Variants in TMEM212 observed in about 807,000 individuals in gnomAD.
TMEM212 encodes the protein transmembrane protein 212.
TMEM212 carries 23 observed loss-of-function variants against 20.5 expected under a neutral mutation model. The ratio of observed to expected loss-of-function variants is 1.12; its 90% confidence interval spans 0.81 to 1.59. The LOEUF is 1.59. Among genes scored for constraint, TMEM212 ranks in the 40% most tolerant of loss-of-function variants. The pLI is 0.00. For synonymous variants in TMEM212, 76 were observed against 81.6 expected (o/e 0.93, Z 0.37); for missense variants, 211 against 215.0 (o/e 0.98, Z 0.12).
At chr3:171,857,636 G>A (rs1725150673) in intron 4 of TMEM212, among the ~76,000 whole-genome samples, 1 of 152,034 alleles carries the variant, frequency 6.6e-6, no homozygotes, top group Non-Finnish European at 1.5e-5. Flanking sequence ...ACCATATACA[G>A]GACAAGGGAT....
At position 171,853,728 on chromosome 3, in the gene TMEM212, T is replaced by C; in HGVS notation, c.421T>C (p.Tyr141His). The C allele has an allele frequency of 6.5e-7, 1 of 1,537,438 alleles. No homozygotes were observed. Among genetic ancestry groups the C allele is most frequent in the Non-Finnish European group, 8.7e-7 (1 of 1,146,886 alleles). Residue 141 changes from tyrosine to histidine, a missense_variant, in exon 3 of 5, where the codon TAC becomes CAC. Transcript: ENST00000334567. ...ATTAGCCTGTGTGGACCCACCACACTACGAAGAGTACCACCTGACACTTCA... is the reference window on the plus strand; with the variant it reads ...ATTAGCCTGTGTGGACCCACCACACCACGAAGAGTACCACCTGACACTTCA... The part of the protein sequence containing the change: ...FPLACVDPPH[Y>H]EEYHLTLQAL...
chr3:171,847,774 C>T (rs967348837), intron 1 of TMEM212, among the ~76,000 whole-genome samples: 2 of 151,844 alleles, frequency 1.3e-5, no homozygotes, highest in African/African-American at 4.8e-5. Flanking sequence ...GGTGATCAGA[C>T]ATCACGGTGG....
In TMEM212 at chr3:171,853,825, G is replaced by A; in HGVS notation, c.518G>A (p.Arg173Lys). 1 of 1,536,402 alleles carries A rather than the reference G, an allele frequency of 6.5e-7. No homozygotes were observed. Among genetic ancestry groups the A allele is most frequent in the African/African-American group, 1.4e-5 (1 of 73,026 alleles). Residue 173 changes from arginine (R) to lysine (K), a missense_variant, in exon 3 of 5, where the codon AGA becomes AAA. Physicochemically the swap from Arg to Lys is conservative, Grantham distance 26. Coordinates refer to ENST00000334567, the MANE Select transcript of TMEM212 (RefSeq NM_001164436.2). ...ACAGTGTTCATCAAACTTTCTGCAA[G>A]ACTTATCCAGAATGGACACATAAAC... ...SLTVFIKLSA[R>K]LIQNGHINMQ...
At position 171,856,702 on chromosome 3, in the gene TMEM212, T is replaced by C. The variant is rs746247982; in HGVS notation, c.583T>C (p.Ter195GlnextTer233). ...PAGNPNPFSP* is the reference protein window; with the variant it reads ...PAGNPNPFSPQ Reference sequence around the variant, plus strand: ...TGGGAACCCAAACCCTTTTTCACCATAAAAGGTAAAATGGTCTGGGGATAG... The same window carrying C: ...TGGGAACCCAAACCCTTTTTCACCACAAAAGGTAAAATGGTCTGGGGATAG... Residue 195 changes from the stop codon to glutamine, a stop_lost, in exon 4 of 5, where the codon TAA (stop) becomes CAA (glutamine). Transcript: ENST00000334567. The C allele has an allele frequency of 1.6e-5, 11 of 686,064 alleles. No homozygotes were observed. Among genetic ancestry groups the C allele is most frequent in the Non-Finnish European group, 2.9e-5 (11 of 375,468 alleles). 42.5% of individuals were successfully genotyped at this position (686,064 alleles called of 1,614,324 possible).
Position 171,846,089 on chromosome 3 carries a change from A to G in TMEM212, c.159+2547A>G, listed in dbSNP as rs1399972271. 2.7e-5 allele frequency among the ~76,000 whole-genome samples: 4 copies of G among 150,810 alleles called. No homozygotes were observed. In the East Asian group the frequency reaches 7.8e-4, roughly 29 times the overall value. ...TACTTCCTGGACTTCATCTCCTACC[A>G]CTCTTCCCTTAGGTCACTTCTCTCC... is the stretch of plus-strand genomic sequence containing the variant. On this transcript the variant is annotated intron_variant, in intron 1 of 4. Coordinates refer to ENST00000334567, the MANE Select transcript of TMEM212 (RefSeq NM_001164436.2).
Position 171,858,811 on chromosome 3 carries a change from C to T in TMEM212, c.*754C>T, listed in dbSNP as rs1211316610. The T allele has an allele frequency of 6.6e-6, 1 of 151,672 alleles. No homozygotes were observed. The highest frequency in any genetic ancestry group is 2.4e-5 in the African/African-American group (1 of 41,372). The allele number at this position is 151,672 out of a possible 1,614,324, so 9.4% of individuals were successfully genotyped here. A position where few individuals can be genotyped will look rare whatever the true frequency, so the allele number is the denominator to read the frequency against. ...GACATTTATGAAGCCAACAGACACA[C>T]ATAATCCCAAATCATGCTACTATAA... On this transcript the variant is annotated 3_prime_UTR_variant, in exon 5 of 5. Transcript: ENST00000334567.
intron 1 of TMEM212, 67 bp from the exon 2 acceptor site, chr3:171,851,915 A>G (rs1234037919): frequency 2.2e-5 from 30 of 1,390,256 alleles, no homozygotes; most frequent in Non-Finnish European, 2.3e-5. Context: ...AAACTGTGAG[A>G]CAGATTGAAC....
At chr3:171,848,235 G>A (rs557586616) in intron 1 of TMEM212, among the ~76,000 whole-genome samples, 39 of 152,246 alleles carry the variant, frequency 2.6e-4, no homozygotes, top group African/African-American at 7.9e-4. Context: ...CAGCAGGTCT[G>A]GGGTGGGGCC....
Position 171,853,685 on chromosome 3 carries a change from T to A in TMEM212, c.378T>A (p.Tyr126Ter). 3.9e-6 allele frequency: 6 copies of A among 1,537,508 alleles called. No individual in the cohort carries two copies. Among genetic ancestry groups the A allele is most frequent in the Non-Finnish European group, 5.2e-6 (6 of 1,146,934 alleles). ...NYLGYAVTFP[Y>*]PYAKFPLACV... ...TTGGCTATGCAGTTACCTTTCCTTA[T>A]CCATATGCAAAATTCCCATTAGCCT... The change falls in exon 3 of 5, where the codon TAT becomes TAA. Residue 126 changes from tyrosine (Y) to a stop codon, truncating the protein, a stop_gained. Coordinates refer to ENST00000334567, the MANE Select transcript of TMEM212 (RefSeq NM_001164436.2). LOFTEE classifies it high-confidence loss of function.
At chr3:171,845,218 A>G (rs1724804868) in intron 1 of TMEM212, among the ~76,000 whole-genome samples, 1 of 152,276 alleles carries the variant, frequency 6.6e-6, no homozygotes, top group Admixed American at 6.5e-5. Context: ...TCAGAAAAAT[A>G]TTTTAGGTGA....
chr3:171,853,502 CA>C (rs1423871966), intron 2 of TMEM212, 24 bp from the exon 3 acceptor site: 2 of 1,520,042 alleles, frequency 1.3e-6, no homozygotes, highest in South Asian at 1.2e-5. Flanking sequence ...CCCAAAGTAA[CA>C]ATTTATTTTT....
chr3:171,846,357 T>C (rs1303347123), intron 1 of TMEM212, among the ~76,000 whole-genome samples: 2 of 152,250 alleles, frequency 1.3e-5, no homozygotes, highest in African/African-American at 4.8e-5. Flanking sequence ...TACCCTGCTC[T>C]ATTTTTTCCT....
At chr3:171,844,237 T>C (rs1328611887) in intron 1 of TMEM212, among the ~76,000 whole-genome samples, 2 of 151,918 alleles carry the variant, frequency 1.3e-5, no homozygotes, top group African/African-American at 2.4e-5. Context: ...CAAAAAAAAA[T>C]GGGCACATCT....
intron 3 of TMEM212, 103 bp downstream of exon 3, chr3:171,853,953 T>C: frequency 2.3e-6 from 2 of 876,154 alleles, no homozygotes; most frequent in East Asian, 2.7e-5. Context: ...TTTACCATTG[T>C]ATCCCATATG....
At chr3:171,854,329 G>T (rs1043985935) in intron 3 of TMEM212, among the ~76,000 whole-genome samples, 6 of 152,108 alleles carry the variant, frequency 3.9e-5, no homozygotes, top group Admixed American at 3.3e-4. Flanking sequence ...CAGTAAAGCT[G>T]CAGGATGCAA....
intron 1 of TMEM212, among the ~76,000 whole-genome samples, chr3:171,850,574 G>C (rs1055693862): frequency 6.6e-6 from 1 of 152,134 alleles, no homozygotes; most frequent in Non-Finnish European, 1.5e-5. Context: ...TGTCAATTGA[G>C]GGCCATGCCT....
At chr3:171,846,364 T>A (rs1436437738) in intron 1 of TMEM212, among the ~76,000 whole-genome samples, 1 of 152,226 alleles carries the variant, frequency 6.6e-6, no homozygotes, top group Non-Finnish European at 1.5e-5. Context: ...CTCTATTTTT[T>A]CCTCATAACA....
intron 4 of TMEM212, 164 bp downstream of exon 4, chr3:171,856,871 T>C (rs891418090): frequency 4.8e-6 from 2 of 418,642 alleles, no homozygotes; most frequent in African/African-American, 4.1e-5. Context: ...ACTGGGATGT[T>C]TCCCCTTTCT....
At chr3:171,847,733 C>T (rs1724869086) in intron 1 of TMEM212, among the ~76,000 whole-genome samples, 1 of 151,874 alleles carries the variant, frequency 6.6e-6, no homozygotes, top group African/African-American at 2.4e-5. Flanking sequence ...GCTATACAGA[C>T]CTACCAGTTT....
Sources: gnomAD v4.1 joint callset for allele counts (sites outside exome capture counted in the v4.1 genomes callset) on GRCh38, gnomAD v4.1.1 for gene constraint, MANE v1.5 for transcripts, NCBI Gene and HGNC (gene_info 2026-07-23, HGNC 2026-07-21) for gene names.